LGSN: variants seen among roughly 807,000 people sequenced by gnomAD.
LGSN encodes the protein lengsin, lens protein with glutamine synthetase domain.
In LGSN, 21 loss-of-function variants were observed where a neutral mutation model predicts 19.5. The ratio of observed to expected loss-of-function variants is 1.07; its 90% CI spans 0.76 to 1.55. The LOEUF (loss-of-function observed/expected upper bound fraction) is 1.55, where lower values mean the gene tolerates loss of function less well. LGSN is among the 40% of genes most tolerant of loss of function. The probability of loss-of-function intolerance (pLI) is 0.00; values close to 1 mark genes in which losing one functional copy is unlikely to be tolerated. For synonymous variants in LGSN, 257 were observed against 215.6 expected, an observed-to-expected ratio of 1.19 and a Z score of -1.68; for missense variants, 673 against 608.5, an observed-to-expected ratio of 1.11 and a Z score of -1.12.
chr6:63,453,411 C>G, the LGSN span, among the ~76,000 whole-genome samples: 1 of 152,048 alleles, frequency 6.6e-6, no homozygotes, highest in Non-Finnish European at 1.5e-5. Context: ...TATATTTCTC[C>G]TTTCAGTTCT....
At chr6:63,443,113 A>G in the LGSN span, among the ~76,000 whole-genome samples, 1 of 152,204 alleles carries the variant, frequency 6.6e-6, no homozygotes, top group African/African-American at 2.4e-5. Context: ...GAGGCCTGGT[A>G]AGAATTCAAG....
At chr6:63,476,780 T>C in the LGSN span, among the ~76,000 whole-genome samples, 3 of 152,342 alleles carry the variant, frequency 2.0e-5, no homozygotes, top group East Asian at 5.8e-4. Context: ...CTGAACTTTA[T>C]TCATCAAGGA....
chr6:63,327,425 G>A, the LGSN span, among the ~76,000 whole-genome samples: 1 of 152,194 alleles, frequency 6.6e-6, no homozygotes, highest in Non-Finnish European at 1.5e-5. Flanking sequence ...GCCTTTTCCT[G>A]TAAACGCTGG....
the LGSN span, among the ~76,000 whole-genome samples, chr6:63,420,824 T>C: frequency 6.6e-6 from 1 of 152,094 alleles, no homozygotes; most frequent in Non-Finnish European, 1.5e-5. Context: ...TAACACAGAT[T>C]GTAAAGCAGT....
chr6:63,404,748 C>T, the LGSN span, among the ~76,000 whole-genome samples: 1 of 151,964 alleles, frequency 6.6e-6, no homozygotes, highest in Non-Finnish European at 1.5e-5. Context: ...ATGGGGGAGA[C>T]ATAAACATCC....
the LGSN span, among the ~76,000 whole-genome samples, chr6:63,456,954 T>C: frequency 6.6e-6 from 1 of 152,194 alleles, no homozygotes; most frequent in African/African-American, 2.4e-5. Context: ...CCTGAACCTC[T>C]ACCCATTTCA....
At chr6:63,313,442 A>G (rs1768710589) in intron 1 of LGSN, among the ~76,000 whole-genome samples, 1 of 152,222 alleles carries the variant, frequency 6.6e-6, no homozygotes, top group Admixed American at 6.5e-5. Flanking sequence ...ACTCAAAAGT[A>G]TGAAGTAAAG....
chr6:63,408,553 G>A, the LGSN span, among the ~76,000 whole-genome samples: 7 of 148,614 alleles, frequency 4.7e-5, no homozygotes, highest in South Asian at 2.1e-4. Flanking sequence ...AGACTTAAAC[G>A]TTAGACCTAA....
the LGSN span, among the ~76,000 whole-genome samples, chr6:63,418,821 C>G: frequency 1.3e-5 from 2 of 152,258 alleles, no homozygotes; most frequent in African/African-American, 4.8e-5. Flanking sequence ...CCTAGCAGGG[C>G]AGAAACCTTA....
At chr6:63,570,423 A>G in the LGSN span, among the ~76,000 whole-genome samples, 1 of 152,244 alleles carries the variant, frequency 6.6e-6, no homozygotes, top group Non-Finnish European at 1.5e-5. Context: ...TAGTAGGATA[A>G]GATGGTACCT....
the LGSN span, among the ~76,000 whole-genome samples, chr6:63,412,521 A>AAG: frequency 6.6e-5 from 6 of 90,354 alleles, no homozygotes; most frequent in Admixed American, 2.4e-4. Flanking sequence ...AAAGAAAGAA[A>AAG]GAAAGAAGGA....
chr6:63,349,720 C>T, the LGSN span, among the ~76,000 whole-genome samples: 3 of 152,112 alleles, frequency 2.0e-5, no homozygotes, highest in Non-Finnish European at 4.4e-5. Flanking sequence ...GAAACAGGAA[C>T]CAGAGTCTTA....
At chr6:63,284,442 A>T (rs953749810) in intron 3 of LGSN, among the ~76,000 whole-genome samples, 98 of 152,342 alleles carry the variant, frequency 6.4e-4, no homozygotes, top group African/African-American at 2.1e-3. Context: ...AATCCTTAGC[A>T]AGTATAAGCA....
chr6:63,408,903 A>G, the LGSN span, among the ~76,000 whole-genome samples: 1 of 152,172 alleles, frequency 6.6e-6, no homozygotes, highest in African/African-American at 2.4e-5. Context: ...AGGATTAAGT[A>G]TTTTTAAATA....
At chr6:63,434,621 A>AAG in the LGSN span, among the ~76,000 whole-genome samples, 3 of 150,580 alleles carry the variant, frequency 2.0e-5, no homozygotes, top group African/African-American at 4.9e-5. Context: ...AAAAAAAAAA[A>AAG]AAAGAAAGAA....
chr6:63,323,678 G>A (rs191892343), upstream of LGSN, among the ~76,000 whole-genome samples: 421 of 146,956 alleles, frequency 2.9e-3, 3 homozygotes, highest in African/African-American at 0.01. Context: ...AACATAAATA[G>A]CATTTTTTAT....
At chr6:63,470,008 G>A in the LGSN span, among the ~76,000 whole-genome samples, 9 of 152,164 alleles carry the variant, frequency 5.9e-5, no homozygotes, top group Middle Eastern at 3.4e-3. Context: ...GAGCCACTGC[G>A]CCTGGCCACA....
intron 2 of LGSN, among the ~76,000 whole-genome samples, chr6:63,288,411 A>G (rs1767631541): frequency 6.6e-6 from 1 of 151,900 alleles, no homozygotes; most frequent in African/African-American, 2.4e-5. Flanking sequence ...TATAGATAAT[A>G]AACATGCCAT....
upstream of LGSN, among the ~76,000 whole-genome samples, chr6:63,321,017 G>C (rs1769063119): frequency 6.6e-6 from 1 of 152,078 alleles, no homozygotes; most frequent in South Asian, 2.1e-4. Flanking sequence ...CTTGAATTTG[G>C]ACCTAGTTCT....
Sources: gnomAD v4.1 joint callset for allele counts (sites outside exome capture counted in the v4.1 genomes callset) on GRCh38, gnomAD v4.1.1 for gene constraint, MANE v1.5 for transcripts, NCBI Gene and HGNC (gene_info 2026-07-23, HGNC 2026-07-21) for gene names.